Variants in SNAPC3 observed in about 807,000 individuals in gnomAD.
SNAPC3 encodes snRNA-activating protein complex subunit 3.
Under a neutral mutation model 47.7 loss-of-function variants are expected in SNAPC3, and 56 were observed. The ratio of observed to expected loss-of-function variants is 1.18; its 90% CI spans 0.95 to 1.47. The LOEUF (loss-of-function observed/expected upper bound fraction) is 1.47, where lower values mean the gene tolerates loss of function less well. Ranked by LOEUF, SNAPC3 falls within the 40% of genes most tolerant of loss-of-function variation. The probability of loss-of-function intolerance (pLI) is 0.00; values close to 1 mark genes in which losing one functional copy is unlikely to be tolerated. For missense variants in SNAPC3, 665 were observed against 511.3 expected, an observed-to-expected ratio of 1.30 and a Z score of -2.90; for synonymous variants, 235 against 189.9, an observed-to-expected ratio of 1.24 and a Z score of -1.95.
intron 6 of SNAPC3, 141 bp downstream of exon 6, chr9:15,451,543 A>G: frequency 2.3e-6 from 1 of 438,988 alleles, no homozygotes; most frequent in Non-Finnish European, 4.1e-6. Context: ...CATTACATAC[A>G]TCCAAAAAAA....
chr9:15,435,541 C>G (rs929548307), intron 3 of SNAPC3, among the ~76,000 whole-genome samples: 2 of 151,700 alleles, frequency 1.3e-5, no homozygotes, highest in African/African-American at 4.8e-5. Context: ...CCACTGCACT[C>G]CAGCCTGAGC....
At chr9:15,432,906 T>A (rs906714541) in intron 2 of SNAPC3, among the ~76,000 whole-genome samples, 2 of 152,132 alleles carry the variant, frequency 1.3e-5, no homozygotes, top group East Asian at 3.8e-4. Context: ...TGTCAAAGTA[T>A]CTCCCCCAAA....
rs117844635 is a variant in SNAPC3 at position 15,441,044 on chromosome 9, T to A, written c.478-3558T>A. On this transcript the variant is annotated intron_variant, in intron 3 of 8. Coordinates refer to ENST00000380821, the MANE Select transcript of SNAPC3 (RefSeq NM_001039697.2). ...CCATGTTTTCTGATGAGAAAACTCC[T>A]GTTAATCTTATTGAGGAATCTGATT... Among the ~76,000 whole-genome samples the A allele has an allele frequency of 1.9e-3, 293 of 152,242 alleles. 1 individual carries two copies. The highest frequency in any genetic ancestry group is 3.5e-3 in the Non-Finnish European group (240 of 68,018).
chr9:15,440,364 C>G (rs1294096074), intron 3 of SNAPC3, among the ~76,000 whole-genome samples: 1 of 152,202 alleles, frequency 6.6e-6, no homozygotes, highest in Non-Finnish European at 1.5e-5. Flanking sequence ...CAGGTCAGGT[C>G]TGCTGGTAGT....
intron 7 of SNAPC3, among the ~76,000 whole-genome samples, chr9:15,455,935 C>T (rs183286501): frequency 2.0e-4 from 30 of 152,168 alleles, no homozygotes; most frequent in African/African-American, 6.5e-4. Context: ...AGTGCAGTGG[C>T]GTGATCTCGG....
At chr9:15,438,388 AG>A (rs1408946827) in intron 3 of SNAPC3, among the ~76,000 whole-genome samples, 1 of 151,966 alleles carries the variant, frequency 6.6e-6, no homozygotes, top group Non-Finnish European at 1.5e-5. Context: ...GTGCAGTAAA[AG>A]TTTGTCAAAT....
intron 3 of SNAPC3, among the ~76,000 whole-genome samples, chr9:15,442,053 CA>C (rs2033448254): frequency 6.6e-6 from 1 of 151,058 alleles, no homozygotes; most frequent in Non-Finnish European, 1.5e-5. Flanking sequence ...GGCAGCTGGC[CA>C]GGCAGGGGCT....
At chr9:15,463,590 C>G (rs1419884070), downstream of SNAPC3, 1 of 151,964 alleles carries the variant, frequency 6.6e-6, no homozygotes, top group Non-Finnish European at 1.5e-5. Flanking sequence ...ACCACACACA[C>G]AAATTGAGCC....
chr9:15,454,449 C>A (rs576514471), intron 7 of SNAPC3, among the ~76,000 whole-genome samples: 2 of 152,276 alleles, frequency 1.3e-5, no homozygotes, highest in Admixed American at 1.3e-4. Flanking sequence ...AAAAGGGATT[C>A]TCAGAATTAT....
intron 3 of SNAPC3, among the ~76,000 whole-genome samples, chr9:15,440,732 G>A (rs1051547613): frequency 4.6e-5 from 7 of 151,898 alleles, no homozygotes; most frequent in Admixed American, 2.6e-4. Context: ...GGCGGATCAC[G>A]AGGTCAAGAG....
chr9:15,424,221 C>T (rs536735973), intron 2 of SNAPC3, among the ~76,000 whole-genome samples: 1 of 152,160 alleles, frequency 6.6e-6, no homozygotes. Context: ...CCCGTAAATA[C>T]ATAAGCATAT....
chr9:15,465,590 A>C (rs1185357371), downstream of SNAPC3: 1 of 1,563,150 alleles, frequency 6.4e-7, no homozygotes, highest in Non-Finnish European at 8.8e-7. Context: ...CCTGAAGAAA[A>C]GGGGGAAAGG....
chr9:15,463,744 A>G (rs909446121), downstream of SNAPC3: 2 of 152,178 alleles, frequency 1.3e-5, no homozygotes, highest in South Asian at 2.1e-4. Flanking sequence ...TGAAGCGAAC[A>G]TACATCAACT....
chr9:15,464,367 C>A (rs113112345), downstream of SNAPC3: 18 of 195,006 alleles, frequency 9.2e-5, no homozygotes, highest in African/African-American at 3.9e-4. Context: ...AAGTATCCTA[C>A]TTGCTGAGAA....
At chr9:15,447,383 T>A (rs937402633) in intron 5 of SNAPC3, 139 bp downstream of exon 5, 57 of 730,300 alleles carry the variant, frequency 7.8e-5, no homozygotes, top group Non-Finnish European at 1.9e-5. Context: ...TCTCATTCCT[T>A]CCCTTTATCA....
intron 2 of SNAPC3, among the ~76,000 whole-genome samples, chr9:15,433,189 GAC>G (rs951509694): frequency 1.3e-5 from 2 of 150,864 alleles, no homozygotes; most frequent in South Asian, 2.1e-4. Context: ...GATAAGGAGA[GAC>G]TGAAGTATTT....
intron 7 of SNAPC3, among the ~76,000 whole-genome samples, chr9:15,454,053 G>A (rs937071298): frequency 2.6e-5 from 4 of 151,972 alleles, no homozygotes; most frequent in Admixed American, 6.6e-5. Flanking sequence ...TGAACAATAT[G>A]GTGAAACCCT....
intron 3 of SNAPC3, among the ~76,000 whole-genome samples, chr9:15,439,359 A>G (rs1253498160): frequency 6.6e-6 from 1 of 152,014 alleles, no homozygotes; most frequent in East Asian, 1.9e-4. Context: ...TTGCCAATAT[A>G]TAATATCCTT....
rs2035222247 is a variant in SNAPC3 at position 15,461,529 on chromosome 9, T to G, written c.*1663T>G. ...TTTATTCAAATATTTTCTGGGAACC[T>G]TTATGGGTAGAACATTTAATACTGT... is the stretch of plus-strand genomic sequence containing the variant. On this transcript the variant is annotated 3_prime_UTR_variant, in exon 9 of 9. Coordinates refer to ENST00000380821, the MANE Select transcript of SNAPC3 (RefSeq NM_001039697.2). 1 of 152,220 alleles carries G rather than the reference T, an allele frequency of 6.6e-6. No individual in the cohort carries two copies. The highest frequency in any genetic ancestry group is 6.5e-5 in the Admixed American group (1 of 15,284). The allele number at this position is 152,220 out of a possible 1,614,324, so 9.4% of individuals were successfully genotyped here.
Sources: gnomAD v4.1 joint callset for allele counts (sites outside exome capture counted in the v4.1 genomes callset) on GRCh38, gnomAD v4.1.1 for gene constraint, MANE v1.5 for transcripts, NCBI Gene and HGNC (gene_info 2026-07-23, HGNC 2026-07-21) for gene names.